CA10: variants seen among roughly 807,000 people sequenced by gnomAD.
CA10 encodes carbonic anhydrase 10 (inactive), also known as carbonic anhydrase-related protein 10.
In CA10, 14 loss-of-function variants were observed where a neutral mutation model predicts 44.2. The ratio of observed to expected loss-of-function variants is 0.32; its 90% confidence interval spans 0.21 to 0.50. The LOEUF (loss-of-function observed/expected upper bound fraction) is 0.50. CA10 is among the 20% of genes least tolerant of loss of function. The pLI is 0.99. For synonymous variants in CA10, 159 were observed against 141.6 expected (o/e 1.12, Z -0.87); for missense variants, 350 against 409.7 (o/e 0.85, Z 1.26).
intron 3 of CA10, among the ~76,000 whole-genome samples, chr17:51,815,044 A>G (rs1477686251): frequency 6.6e-6 from 1 of 152,144 alleles, no homozygotes; most frequent in Non-Finnish European, 1.5e-5. Context: ...CAGAGACAGT[A>G]CTAAACACCA....
chr17:51,642,517 G>T (rs1229302075), intron 6 of CA10, among the ~76,000 whole-genome samples: 3 of 152,186 alleles, frequency 2.0e-5, no homozygotes, highest in East Asian at 1.9e-4. Context: ...GACTGAAAAA[G>T]ATGCTTTAAA....
At chr17:52,014,962 T>C (rs1311724557) in intron 2 of CA10, among the ~76,000 whole-genome samples, 1 of 151,902 alleles carries the variant, frequency 6.6e-6, no homozygotes, top group Non-Finnish European at 1.5e-5. Flanking sequence ...ATCCTTAAGA[T>C]CAAATAAATA....
chr17:51,745,554 A>G (rs1904648971), intron 4 of CA10, among the ~76,000 whole-genome samples: 1 of 152,216 alleles, frequency 6.6e-6, no homozygotes, highest in African/African-American at 2.4e-5. Flanking sequence ...GGTCTGGTGT[A>G]GGTCTAGGAA....
chr17:51,726,114 T>C (rs1193554603), intron 4 of CA10, among the ~76,000 whole-genome samples: 2 of 152,246 alleles, frequency 1.3e-5, no homozygotes, highest in East Asian at 3.8e-4. Context: ...TGGAGCGTTC[T>C]GGGCAGATGA....
chr17:52,085,849 C>A (rs1010838943), intron 1 of CA10, among the ~76,000 whole-genome samples: 1 of 152,178 alleles, frequency 6.6e-6, no homozygotes, highest in Non-Finnish European at 1.5e-5. Flanking sequence ...ACACTATTTA[C>A]TTTTACTGGA....
chr17:51,852,633 G>A (rs1978846687), intron 3 of CA10, among the ~76,000 whole-genome samples: 1 of 152,120 alleles, frequency 6.6e-6, no homozygotes, highest in Admixed American at 6.5e-5. Flanking sequence ...CTTGGGCTGT[G>A]GAATCAGAAG....
At chr17:52,006,968 T>C (rs1336051740) in intron 2 of CA10, among the ~76,000 whole-genome samples, 1 of 151,760 alleles carries the variant, frequency 6.6e-6, no homozygotes, top group Non-Finnish European at 1.5e-5. Flanking sequence ...TTGATTGTTG[T>C]TAAAGCCATT....
At chr17:51,944,013 G>A (rs1011958387) in intron 2 of CA10, among the ~76,000 whole-genome samples, 1 of 152,054 alleles carries the variant, frequency 6.6e-6, no homozygotes, top group Non-Finnish European at 1.5e-5. Flanking sequence ...ACCCACCATT[G>A]CTCTCAATTT....
chr17:51,686,753 T>C (rs1915024067), intron 4 of CA10, among the ~76,000 whole-genome samples: 1 of 152,110 alleles, frequency 6.6e-6, no homozygotes, highest in Non-Finnish European at 1.5e-5. Flanking sequence ...ATTATCCCTA[T>C]TTCACACTTG....
rs188321566 is a variant in CA10, at chr17:51,759,323, C to T, written c.280-11505G>A. On this transcript the variant is annotated intron_variant, in intron 3 of 8. Transcript: ENST00000451037. ...GCTCACCTTGGCTATCTATGCCAGC[C>T]GAAATCAAGATTGGGTTGAGTACAC... Among the ~76,000 whole-genome samples, 5 of 149,372 alleles carry T rather than the reference C, an allele frequency of 3.3e-5. No homozygotes were observed. In the East Asian group the frequency reaches 5.9e-4, roughly 18 times the overall value.
At chr17:51,640,630 G>T (rs146272183) in intron 6 of CA10, among the ~76,000 whole-genome samples, 1 of 152,148 alleles carries the variant, frequency 6.6e-6, no homozygotes, top group Non-Finnish European at 1.5e-5. Context: ...TTTTCTCTCT[G>T]TTGAAGCTTG....
rs1989844876 is a variant in CA10, at chr17:52,157,952, G to A, written c.-166C>T. On this transcript the variant is annotated 5_prime_UTR_variant, in exon 1 of 9. It introduces an in-frame stop codon into an upstream open reading frame of the 5' UTR. Transcript: ENST00000451037. ...GACAGTCACCCCCAAGATCAATATC[G>A]CAGTTTGAATTGTTCCGGCAAATCT... 4 of 671,120 alleles carry A rather than the reference G, an allele frequency of 6.0e-6. No homozygotes were observed. The highest frequency in any genetic ancestry group is 1.1e-5 in the Non-Finnish European group (4 of 370,026). 41.6% of individuals were successfully genotyped at this position (671,120 alleles called of 1,614,324 possible).
At chr17:51,799,307 T>A (rs1311052220) in intron 3 of CA10, among the ~76,000 whole-genome samples, 1 of 152,224 alleles carries the variant, frequency 6.6e-6, no homozygotes, top group African/African-American at 2.4e-5. Context: ...AGTTTATAAG[T>A]CTTTGAGGTT....
intron 2 of CA10, among the ~76,000 whole-genome samples, chr17:52,016,405 G>T (rs1985969267): frequency 6.6e-6 from 1 of 152,074 alleles, no homozygotes; most frequent in Non-Finnish European, 1.5e-5. Context: ...TCACCACTCG[G>T]TAAATGTATT....
chr17:51,759,047 C>T (rs1905147946), intron 3 of CA10, among the ~76,000 whole-genome samples: 1 of 152,188 alleles, frequency 6.6e-6, no homozygotes, highest in African/African-American at 2.4e-5. Flanking sequence ...TTTAGTTCTC[C>T]AATTCCTTTA....
At chr17:51,847,808 G>A (rs1978563819) in intron 3 of CA10, among the ~76,000 whole-genome samples, 1 of 152,106 alleles carries the variant, frequency 6.6e-6, no homozygotes, top group Admixed American at 6.6e-5. Flanking sequence ...CAATCTCTCA[G>A]GTGCCTCTGT....
chr17:52,155,194 G>T (rs1002144493), intron 1 of CA10, among the ~76,000 whole-genome samples: 1 of 152,182 alleles, frequency 6.6e-6, no homozygotes, highest in Non-Finnish European at 1.5e-5. Flanking sequence ...TCAATGTCTG[G>T]TAACTCTGTA....
chr17:51,719,365 C>A (rs1057002081), intron 4 of CA10, among the ~76,000 whole-genome samples: 1 of 152,144 alleles, frequency 6.6e-6, no homozygotes, highest in African/African-American at 2.4e-5. Context: ...TCGCTTGTTG[C>A]TGAAAAGTAG....
At chr17:51,662,088 T>A (rs1011065615) in intron 4 of CA10, among the ~76,000 whole-genome samples, 1 of 152,212 alleles carries the variant, frequency 6.6e-6, no homozygotes, top group Admixed American at 6.5e-5. Context: ...CAGTCATATA[T>A]TTTCCAGTAA....
Sources: gnomAD v4.1 joint callset for allele counts (sites outside exome capture counted in the v4.1 genomes callset) on GRCh38, gnomAD v4.1.1 for gene constraint, MANE v1.5 for transcripts, NCBI Gene and HGNC (gene_info 2026-07-23, HGNC 2026-07-21) for gene names.